The following DLG2 variants were observed in gnomAD, a reference collection of about 807,000 sequenced individuals.
DLG2 encodes disks large homolog 2.
Under a neutral mutation model 132.5 loss-of-function variants are expected in DLG2, and 45 were observed. That is an observed-to-expected ratio of 0.34 (90% confidence interval 0.27 to 0.44). The LOEUF (loss-of-function observed/expected upper bound fraction) is 0.44, where lower values mean the gene tolerates loss of function less well. Ranked by LOEUF, DLG2 falls within the 20% of genes least tolerant of loss-of-function variation. The pLI, the probability that DLG2 is intolerant of heterozygous loss-of-function variation, is 1.00. For synonymous variants in DLG2, 424 were observed against 419.6 expected (o/e 1.01, Z -0.13); for missense variants, 1,045 against 1,196.9 (o/e 0.87, Z 1.87).
At chr11:85,583,126 GTGTGTATATATATATATA>G (rs1270808806) in intron 3 of DLG2, among the ~76,000 whole-genome samples, 94 of 34,304 alleles carry the variant, frequency 2.7e-3, no homozygotes, top group African/African-American at 6.5e-3. Flanking sequence ...GTGTGTGTGT[GTGTGTATATATATATATA>G]TATATATATA....
At chr11:85,331,652 A>G (rs190900984) in intron 3 of DLG2, among the ~76,000 whole-genome samples, 202 of 152,218 alleles carry the variant, frequency 1.3e-3, no homozygotes, top group Non-Finnish European at 2.3e-3. Context: ...CCCGGTGGCT[A>G]TGATTCCCCT....
chr11:83,547,482 C>A (rs2096270361), intron 19 of DLG2, among the ~76,000 whole-genome samples: 1 of 151,998 alleles, frequency 6.6e-6, no homozygotes, highest in Non-Finnish European at 1.5e-5. Flanking sequence ...AGAGATATGA[C>A]TTGGGAAGGA....
chr11:84,504,958 G>T (rs2099234543), intron 7 of DLG2, among the ~76,000 whole-genome samples: 1 of 152,044 alleles, frequency 6.6e-6, no homozygotes, highest in African/African-American at 2.4e-5. Flanking sequence ...GTATTGCTAT[G>T]TAATATTATG....
intron 6 of DLG2, among the ~76,000 whole-genome samples, chr11:84,893,531 G>A (rs2089748169): frequency 1.3e-5 from 2 of 152,240 alleles, no homozygotes; most frequent in East Asian, 1.9e-4. Context: ...TTCTTCCTAT[G>A]CTACCTCCTT....
Position 85,243,930 on chromosome 11 carries a change from T to C in DLG2, c.186+41290A>G, listed in dbSNP as rs546826076. 2.0e-5 allele frequency among the ~76,000 whole-genome samples: 3 copies of C among 152,142 alleles called. No individual in the cohort carries two copies. The South Asian group carries it at 6.2e-4, about 32-fold the overall frequency. ...TACTTGGTCAATTTCCTAACCATTT[T>C]AGTCTAAGCGTCTTTATATGAAAAT... is the stretch of plus-strand genomic sequence containing the variant. On this transcript the variant is annotated intron_variant, in intron 4 of 27. Transcript: ENST00000376104.
At chr11:85,490,904 T>G (rs2093544405) in intron 3 of DLG2, among the ~76,000 whole-genome samples, 1 of 152,066 alleles carries the variant, frequency 6.6e-6, no homozygotes, top group Non-Finnish European at 1.5e-5. Context: ...AAGGGAAGAA[T>G]TATCCCGAAT....
chr11:84,627,970 A>C (rs1203261120), intron 6 of DLG2, among the ~76,000 whole-genome samples: 1 of 152,094 alleles, frequency 6.6e-6, no homozygotes, highest in Non-Finnish European at 1.5e-5. Flanking sequence ...AGGGGATTAC[A>C]ATTCAACATG....
At position 85,150,042 on chromosome 11, in the gene DLG2, C is replaced by CA; in HGVS notation, c.282+4513dup. On this transcript the variant is annotated intron_variant, in intron 5 of 27. Coordinates refer to ENST00000376104, the MANE Select transcript of DLG2 (RefSeq NM_001142699.3). Reference sequence around the variant, plus strand: ...TTTTTTTTTTTTTTTTTTTTTGAGACAGAGTCTCACTCAGTCGCCCAGGCT... The same window carrying CA: ...TTTTTTTTTTTTTTTTTTTTTGAGACAAGAGTCTCACTCAGTCGCCCAGGCT... 2.2e-5 allele frequency among the ~76,000 whole-genome samples: 2 copies of CA among 90,188 alleles called. 1 individual carries two copies. Among genetic ancestry groups the CA allele is most frequent in the African/African-American group, 1.1e-4 (2 of 18,122 alleles). 59.2% of individuals were successfully genotyped at this position (90,188 alleles called of 152,430 possible). A position where few individuals can be genotyped will look rare whatever the true frequency, so the allele number is the denominator to read the frequency against.
chr11:84,127,193 T>C (rs1052082157), intron 9 of DLG2, among the ~76,000 whole-genome samples: 7 of 152,188 alleles, frequency 4.6e-5, no homozygotes, highest in African/African-American at 1.7e-4. Context: ...CTGCATGACT[T>C]CAGAGAGTGC....
intron 6 of DLG2, among the ~76,000 whole-genome samples, chr11:84,741,259 G>A (rs1412170893): frequency 6.6e-6 from 1 of 151,424 alleles, no homozygotes; most frequent in Admixed American, 6.6e-5. Flanking sequence ...GTAGAGACGG[G>A]GTTTCACCGT....
At chr11:85,556,860 T>C (rs1211714610) in intron 3 of DLG2, among the ~76,000 whole-genome samples, 1 of 151,762 alleles carries the variant, frequency 6.6e-6, no homozygotes, top group Non-Finnish European at 1.5e-5. Context: ...TATCCAAATA[T>C]AGAGATGAAA....
chr11:84,560,662 C>A (rs2099425674), intron 6 of DLG2, among the ~76,000 whole-genome samples: 1 of 151,882 alleles, frequency 6.6e-6, no homozygotes, highest in African/African-American at 2.4e-5. Flanking sequence ...AACAGAAAAT[C>A]ATAAAATTAT....
chr11:84,029,509 C>T (rs892569581), intron 11 of DLG2, among the ~76,000 whole-genome samples: 3 of 152,024 alleles, frequency 2.0e-5, no homozygotes, highest in Non-Finnish European at 2.9e-5. Context: ...ACTCCTCCTC[C>T]AAGAGAGATA....
At chr11:85,491,277 C>G (rs931837856) in intron 3 of DLG2, among the ~76,000 whole-genome samples, 3 of 151,890 alleles carry the variant, frequency 2.0e-5, no homozygotes, top group Admixed American at 2.0e-4. Context: ...TTCAAAATAG[C>G]AAAGGCCATG....
At chr11:84,847,974 C>A (rs2081693991) in intron 6 of DLG2, among the ~76,000 whole-genome samples, 1 of 152,054 alleles carries the variant, frequency 6.6e-6, no homozygotes, top group Non-Finnish European at 1.5e-5. Context: ...CTCCAACTCC[C>A]TAGAGACAGA....
In DLG2 at chr11:83,965,427, T is replaced by C; in HGVS notation, c.1098A>G (p.Ala366=). The C allele has an allele frequency of 6.2e-7, 1 of 1,611,538 alleles. No homozygotes were observed. Among genetic ancestry groups the C allele is most frequent in the Non-Finnish European group, 8.5e-7 (1 of 1,178,358 alleles). Reference sequence around the variant, plus strand: ...CTGATGTGTTCTTTAATATTGCTACTGCCTCTTCGTGTGTTACTTCTTCTA... The same window carrying C: ...CTGATGTGTTCTTTAATATTGCTACCGCCTCTTCGTGTGTTACTTCTTCTA... ...YSLEEVTHEE[A]VAILKNTSEV... Residue 366 remains alanine, a synonymous_variant, in exon 13 of 28, where the codon GCA becomes GCG. Transcript: ENST00000376104.
chr11:84,120,503 C>CA (rs1387231883), intron 9 of DLG2, among the ~76,000 whole-genome samples: 4 of 152,054 alleles, frequency 2.6e-5, no homozygotes, highest in Non-Finnish European at 5.9e-5. Flanking sequence ...ATCACTGCAT[C>CA]AAAAATAAAG....
chr11:85,481,413 A>C (rs1274782634), intron 3 of DLG2, among the ~76,000 whole-genome samples: 2 of 152,216 alleles, frequency 1.3e-5, no homozygotes, highest in African/African-American at 4.8e-5. Flanking sequence ...GCACCTGGGT[A>C]CAGCACCAAA....
In DLG2 at chr11:84,360,592, C is replaced by T. The variant is rs78681200; in HGVS notation, c.520-109301G>A. ...AGTTTTCAGGAAAGAGAAAGAAATA[C>T]GGGACTCAAACAGAGTCTAGTTTCT... On this transcript the variant is annotated intron_variant, in intron 7 of 27. Transcript: ENST00000376104. Among the ~76,000 whole-genome samples, 15 of 151,994 alleles carry T rather than the reference C, an allele frequency of 9.9e-5. No individual in the cohort carries two copies. In the East Asian group the frequency reaches 2.7e-3, roughly 28 times the overall value.
Sources: allele counts gnomAD v4.1 joint callset (sites outside exome capture counted in the v4.1 genomes callset), GRCh38; gene constraint gnomAD v4.1.1; transcripts MANE v1.5; gene names NCBI Gene and HGNC (gene_info 2026-07-23, HGNC 2026-07-21).